Variants in DLG2 observed in about 807,000 individuals in gnomAD.
DLG2 encodes discs large MAGUK scaffold protein 2, also known as disks large homolog 2.
In DLG2, 45 loss-of-function variants were observed where a neutral mutation model predicts 132.5. The observed-to-expected ratio is 0.34, with a 90% CI of 0.27 to 0.44. The LOEUF is 0.44. Ranked by LOEUF, DLG2 falls within the 20% of genes least tolerant of loss-of-function variation. The pLI, the probability that DLG2 is intolerant of heterozygous loss-of-function variation, is 1.00. For missense variants in DLG2, 1,045 were observed against 1,196.9 expected (o/e 0.87, Z 1.87); for synonymous variants, 424 against 419.6 (o/e 1.01, Z -0.13).
rs1406124109 is a variant in DLG2, at chr11:85,287,967, T to C, written c.41-2602A>G. On this transcript the variant is annotated intron_variant, in intron 3 of 27. Coordinates refer to ENST00000376104, the MANE Select transcript of DLG2 (RefSeq NM_001142699.3). ...ATACATATACATGTAACAAAACAAATAGACAAAAGCAAAGGACGACATGAA... is the reference window on the plus strand; with the variant it reads ...ATACATATACATGTAACAAAACAAACAGACAAAAGCAAAGGACGACATGAA... Among the ~76,000 whole-genome samples, 5 of 151,824 alleles carry C rather than the reference T, an allele frequency of 3.3e-5. No individual in the cohort carries two copies. The East Asian group carries it at 5.8e-4, about 18-fold the overall frequency.
At chr11:85,437,003 A>T (rs187785451) in intron 3 of DLG2, among the ~76,000 whole-genome samples, 2 of 152,330 alleles carry the variant, frequency 1.3e-5, no homozygotes, top group East Asian at 3.9e-4. Flanking sequence ...CTTTGCAGGG[A>T]CATGGATGAA....
chr11:84,078,258 A>G (rs977345260), intron 10 of DLG2, among the ~76,000 whole-genome samples: 1 of 152,222 alleles, frequency 6.6e-6, no homozygotes, highest in Non-Finnish European at 1.5e-5. Flanking sequence ...ATAAACAGGT[A>G]GATGGGAATG....
intron 7 of DLG2, among the ~76,000 whole-genome samples, chr11:84,329,315 T>A (rs1191830175): frequency 6.6e-6 from 1 of 152,198 alleles, no homozygotes; most frequent in East Asian, 1.9e-4. Context: ...TGGCTATGTC[T>A]CCACCAAATC....
rs559110906 is a variant in DLG2 at position 84,839,397 on chromosome 11, T to A, written c.357+272264A>T. The stretch of plus-strand genomic sequence containing the variant: ...TGCTCATGGATAGGAAGAATCAATA[T>A]CATGAAAATGGCCATACTTCCCAAG... On this transcript the variant is annotated intron_variant, in intron 6 of 27. Coordinates refer to ENST00000376104, the MANE Select transcript of DLG2 (RefSeq NM_001142699.3). 5.9e-5 allele frequency among the ~76,000 whole-genome samples: 9 copies of A among 152,142 alleles called. No individual in the cohort carries two copies. The East Asian group carries it at 1.7e-3, about 30-fold the overall frequency.
chr11:84,019,577 C>T (rs1206724113), intron 11 of DLG2, among the ~76,000 whole-genome samples: 1 of 151,548 alleles, frequency 6.6e-6, no homozygotes, highest in African/African-American at 2.4e-5. Flanking sequence ...GTATCTGTGA[C>T]TTTATTTAGA....
chr11:84,777,256 T>A (rs1413496131), intron 6 of DLG2, among the ~76,000 whole-genome samples: 1 of 142,438 alleles, frequency 7.0e-6, no homozygotes, highest in Non-Finnish European at 1.5e-5. Context: ...TAGTATCCAT[T>A]GTGTGTGTAT....
At chr11:84,607,983 C>T (rs1179455535) in intron 6 of DLG2, among the ~76,000 whole-genome samples, 1 of 152,124 alleles carries the variant, frequency 6.6e-6, no homozygotes, top group Non-Finnish European at 1.5e-5. Flanking sequence ...GTTTGGTGAC[C>T]TAAGGAGAAG....
chr11:85,394,562 T>C (rs192578393), intron 3 of DLG2, among the ~76,000 whole-genome samples: 74 of 152,324 alleles, frequency 4.9e-4, no homozygotes, highest in Middle Eastern at 3.4e-3. Flanking sequence ...GCACTAAAGT[T>C]GGTTAGAATA....
At chr11:85,504,750 A>C (rs2093888449) in intron 3 of DLG2, among the ~76,000 whole-genome samples, 1 of 152,180 alleles carries the variant, frequency 6.6e-6, no homozygotes, top group Admixed American at 6.5e-5. Context: ...TTCTGTGAAG[A>C]AAGTCATTGG....
At position 84,916,488 on chromosome 11, in the gene DLG2, C is replaced by T. The variant is rs555279306; in HGVS notation, c.357+195173G>A. The stretch of plus-strand genomic sequence containing the variant: ...CCTAAGGAGGACTCAATATCAGTGT[C>T]GAAAAAGACAAGAAGATAGATATCA... On this transcript the variant is annotated intron_variant, in intron 6 of 27. Coordinates refer to ENST00000376104, the MANE Select transcript of DLG2 (RefSeq NM_001142699.3). 2.8e-4 allele frequency among the ~76,000 whole-genome samples: 42 copies of T among 150,290 alleles called. No individual in the cohort carries two copies. In the East Asian group the frequency reaches 5.1e-3, roughly 18 times the overall value.
chr11:85,104,776 A>T (rs991208135), intron 6 of DLG2, among the ~76,000 whole-genome samples: 1 of 151,528 alleles, frequency 6.6e-6, no homozygotes, highest in Non-Finnish European at 1.5e-5. Context: ...GGAAAACAAC[A>T]ATAAGAGCAC....
At chr11:84,021,110 T>C (rs193167918) in intron 11 of DLG2, among the ~76,000 whole-genome samples, 19 of 152,290 alleles carry the variant, frequency 1.2e-4, no homozygotes, top group African/African-American at 4.1e-4. Context: ...AGAACTGCCA[T>C]TTGTGGAATA....
intron 2 of DLG2, among the ~76,000 whole-genome samples, chr11:85,614,038 C>G (rs2153275168): frequency 6.6e-6 from 1 of 152,266 alleles, no homozygotes; most frequent in East Asian, 1.9e-4. Flanking sequence ...ATGAACCCAC[C>G]AGAAGGAAGA....
intron 3 of DLG2, among the ~76,000 whole-genome samples, chr11:85,544,928 T>A (rs1420526704): frequency 1.3e-5 from 2 of 152,238 alleles, no homozygotes; most frequent in East Asian, 3.8e-4. Context: ...AATCATGTCA[T>A]CTGCGCACAG....
intron 8 of DLG2, among the ~76,000 whole-genome samples, chr11:84,185,388 A>G (rs920331861): frequency 4.6e-5 from 7 of 152,124 alleles, no homozygotes; most frequent in African/African-American, 1.4e-4. Context: ...TTATTTGTGT[A>G]TAAGAATGCT....
intron 3 of DLG2, among the ~76,000 whole-genome samples, chr11:85,595,614 T>C (rs1252126011): frequency 2.0e-5 from 3 of 152,144 alleles, no homozygotes; most frequent in African/African-American, 7.2e-5. Flanking sequence ...TGACTTTTTC[T>C]ACTCTCAGTT....
intron 6 of DLG2, among the ~76,000 whole-genome samples, chr11:84,790,969 A>G (rs2073754668): frequency 6.6e-6 from 1 of 152,180 alleles, no homozygotes; most frequent in South Asian, 2.1e-4. Context: ...TTACACTGCT[A>G]TAAAGAACTG....
At chr11:83,819,877 C>G (rs1386835185) in intron 17 of DLG2, among the ~76,000 whole-genome samples, 2 of 152,144 alleles carry the variant, frequency 1.3e-5, no homozygotes, top group Non-Finnish European at 2.9e-5. Flanking sequence ...CTCAAGAAAT[C>G]TTGGCTATCA....
chr11:84,710,614 A>T, intron 6 of DLG2, among the ~76,000 whole-genome samples: 1 of 151,962 alleles, frequency 6.6e-6, no homozygotes, highest in Non-Finnish European at 1.5e-5. Flanking sequence ...GCCTGGTTTA[A>T]TCCATAATGT....
Sources: allele counts gnomAD v4.1 joint callset (sites outside exome capture counted in the v4.1 genomes callset), GRCh38; gene constraint gnomAD v4.1.1; transcripts MANE v1.5; gene names NCBI Gene and HGNC (gene_info 2026-07-23, HGNC 2026-07-21).